The following WDR62 variants were observed in gnomAD, a reference collection of about 807,000 sequenced individuals.
The protein encoded by WDR62 is WD repeat domain 62.
Under a neutral mutation model 160.6 loss-of-function variants are expected in WDR62, and 112 were observed. The observed-to-expected ratio is 0.70, with a 90% CI of 0.60 to 0.82. The LOEUF is 0.82. Among genes scored for constraint, WDR62 ranks in the 40% least tolerant of loss-of-function variants. The pLI is 0.00. For synonymous variants in WDR62, 792 were observed against 815.1 expected (o/e 0.97, Z 0.48); for missense variants, 1,819 against 1,983.8 (o/e 0.92, Z 1.58).
At chr19:36,069,250 C>T (rs1354680555) in intron 7 of WDR62, among the ~76,000 whole-genome samples, 4 of 150,294 alleles carry the variant, frequency 2.7e-5, no homozygotes, top group African/African-American at 7.3e-5. Flanking sequence ...AGCTGCCGGG[C>T]GGAGGGGCTC....
In WDR62 at chr19:36,101,761, GC is replaced by G. The variant is rs1372708280; in HGVS notation, c.3073del (p.His1025IlefsTer43). On this transcript the variant is annotated frameshift_variant, in exon 25 of 32. Transcript: ENST00000401500. LOFTEE classifies it high-confidence loss of function. ...CTGCCCCTCGGTTTGCCACGTCGCT[GC>G]CCCATTTCCCAGGTAAGCAGGGGCC... ...DPAPRFATSL[P>X]HFPGCAGPTE... The G allele has an allele frequency of 1.9e-6, 3 of 1,551,970 alleles. No individual in the cohort carries two copies. The Admixed American group carries it at 5.9e-5, about 30-fold the overall frequency.
intron 26 of WDR62, 146 bp downstream of exon 26, chr19:36,102,297 T>A: frequency 1.6e-6 from 2 of 1,222,668 alleles, no homozygotes; most frequent in Admixed American, 3.7e-5. Flanking sequence ...AGTCTCGCTC[T>A]GTTGCCAGGC....
At position 36,101,505 on chromosome 19, in the gene WDR62, C is replaced by T; in HGVS notation, c.2972-159C>T. The stretch of plus-strand genomic sequence containing the variant: ...ACAGCTGAGAGCCCAGCTCTGCCAC[C>T]TCCTTGATGTGGAACTTCCCTTATT... On this transcript the variant is annotated intron_variant, in intron 24 of 31. Coordinates refer to ENST00000401500, the MANE Select transcript of WDR62 (RefSeq NM_001083961.2). The T allele has an allele frequency of 5.1e-6, 4 of 787,270 alleles. No homozygotes were observed. The South Asian group carries it at 6.2e-5, about 12-fold the overall frequency. The allele number at this position is 787,270 out of a possible 1,614,324, so 48.8% of individuals were successfully genotyped here.
At chr19:36,099,305 C>T (rs1177052457) in intron 21 of WDR62, 94 bp from the exon 22 acceptor site, 5 of 991,818 alleles carry the variant, frequency 5.0e-6, no homozygotes, top group Non-Finnish European at 7.9e-6. Context: ...GTATTGAAAG[C>T]CAAGAGTCCA....
intron 3 of WDR62, among the ~76,000 whole-genome samples, chr19:36,064,500 C>T (rs986469558): frequency 2.6e-5 from 4 of 152,072 alleles, no homozygotes; most frequent in African/African-American, 9.7e-5. Context: ...AGGGTGGTCT[C>T]GATCTCCTGA....
At chr19:36,089,512 G>C (rs1972460887) in intron 15 of WDR62, among the ~76,000 whole-genome samples, 1 of 152,174 alleles carries the variant, frequency 6.6e-6, no homozygotes, top group South Asian at 2.1e-4. Context: ...CACCATTTTA[G>C]CTCACTGCAA....
intron 1 of WDR62, among the ~76,000 whole-genome samples, 194 bp from the exon 2 acceptor site, chr19:36,058,586 C>G (rs752902232): frequency 3.9e-5 from 6 of 152,266 alleles, no homozygotes; most frequent in Non-Finnish European, 5.9e-5. Context: ...CCTCACCACT[C>G]TGTGCTTTTC....
intron 2 of WDR62, 55 bp downstream of exon 2, chr19:36,058,926 A>G: frequency 6.9e-7 from 1 of 1,440,730 alleles, no homozygotes; most frequent in Non-Finnish European, 9.7e-7. Flanking sequence ...TGGAGCTTGG[A>G]ACCTGAAGCC....
At chr19:36,088,942 C>A in intron 13 of WDR62, 96 bp from the exon 14 acceptor site, 1 of 1,387,934 alleles carries the variant, frequency 7.2e-7, no homozygotes, top group Non-Finnish European at 1.0e-6. Context: ...GATCCCAGCA[C>A]AGTTGATTGA....
chr19:36,092,539 C>T (rs1972684944), intron 18 of WDR62, 150 bp from the exon 19 acceptor site: 1 of 1,135,562 alleles, frequency 8.8e-7, no homozygotes, highest in East Asian at 2.5e-5. Flanking sequence ...AGTCCAGCAC[C>T]CCTGCACTAA....
At chr19:36,074,649 G>T (rs1467944725) in intron 9 of WDR62, among the ~76,000 whole-genome samples, 1 of 152,198 alleles carries the variant, frequency 6.6e-6, no homozygotes, top group Non-Finnish European at 1.5e-5. Flanking sequence ...AAAGAACTTT[G>T]TCCTTTTGAA....
At chr19:36,096,315 G>C (rs1972950452) in intron 20 of WDR62, among the ~76,000 whole-genome samples, 1 of 152,118 alleles carries the variant, frequency 6.6e-6, no homozygotes, top group Admixed American at 6.6e-5. Context: ...TGTTGCCCAG[G>C]CTGGTCTCAA....
chr19:36,101,338 G>A, intron 24 of WDR62, 21 bp downstream of exon 24: 3 of 1,591,044 alleles, frequency 1.9e-6, no homozygotes, highest in South Asian at 2.3e-5. Flanking sequence ...GGCAGGCAGG[G>A]ACCCTGTGAC....
At position 36,058,576 on chromosome 19, in the gene WDR62, C is replaced by A. The variant is rs921094214; in HGVS notation, c.178-204C>A. ...CCCCGAGGGCAGGGATTTGTCTCTT[C>A]CTCACCACTCTGTGCTTTTCACCTA... On this transcript the variant is annotated intron_variant, in intron 1 of 31. Coordinates refer to ENST00000401500, the MANE Select transcript of WDR62 (RefSeq NM_001083961.2). 5.3e-5 allele frequency among the ~76,000 whole-genome samples: 8 copies of A among 152,366 alleles called. No homozygotes were observed. The East Asian group carries it at 1.5e-3, about 29-fold the overall frequency.
rs1180482856 is a variant in WDR62, at chr19:36,097,071, A to T, written c.2512A>T (p.Lys838Ter). 1 of 1,613,824 alleles carries T rather than the reference A, an allele frequency of 6.2e-7. No individual in the cohort carries two copies. Among genetic ancestry groups the T allele is most frequent in the Non-Finnish European group, 8.5e-7 (1 of 1,179,926 alleles). ...CAACGGCAAGCTGCCACTGTGGGCA[A>T]AGCGGCTGGTAAGTCTTCAGGGAGA... ...LTNGKLPLWAKRLLGDDDVAD... is the reference protein window; with the variant it reads ...LTNGKLPLWA Residue 838 changes from lysine (K) to a stop codon, truncating the protein, a stop_gained, in exon 21 of 32, where the codon AAG becomes TAG. Transcript: ENST00000401500. LOFTEE classifies it high-confidence loss of function.
chr19:36,085,414 C>CTTTTTTGTTTTT (rs1972154547), intron 12 of WDR62, among the ~76,000 whole-genome samples: 1 of 70,382 alleles, frequency 1.4e-5, no homozygotes, highest in Non-Finnish European at 2.8e-5. Context: ...CACACCTGAC[C>CTTTTTTGTTTTT]TTTTTTTTTT....
chr19:36,106,747 G>A (rs1005983532), downstream of WDR62, among the ~76,000 whole-genome samples: 2 of 152,202 alleles, frequency 1.3e-5, no homozygotes, highest in African/African-American at 4.8e-5. Flanking sequence ...GGAGGAGCAG[G>A]GCCTTGTTGC....
At chr19:36,100,698 G>C (rs761901229) in intron 22 of WDR62, 50 bp from the exon 23 acceptor site, 1 of 1,611,206 alleles carries the variant, frequency 6.2e-7, no homozygotes, top group Non-Finnish European at 8.5e-7. Flanking sequence ...CGCACTGTTG[G>C]TGGCCCCAGC....
At chr19:36,072,058 G>A (rs529319640) in intron 8 of WDR62, among the ~76,000 whole-genome samples, 113 of 152,374 alleles carry the variant, frequency 7.4e-4, no homozygotes, top group African/African-American at 2.7e-3. Flanking sequence ...CTAAGTGCCA[G>A]CCCTGGGCTG....
Sources: allele counts gnomAD v4.1 joint callset (sites outside exome capture counted in the v4.1 genomes callset), GRCh38; gene constraint gnomAD v4.1.1; transcripts MANE v1.5; gene names NCBI Gene and HGNC (gene_info 2026-07-23, HGNC 2026-07-21).